PCBP3: variants seen among roughly 807,000 people sequenced by gnomAD.
The protein encoded by PCBP3 is poly(rC) binding protein 3, also known as poly(rC)-binding protein 3.
A neutral mutation model predicts 52.7 loss-of-function variants in PCBP3; 25 were observed. The observed-to-expected ratio is 0.47, with a 90% CI of 0.35 to 0.66. The LOEUF (loss-of-function observed/expected upper bound fraction) is 0.66. PCBP3 is among the 30% of genes least tolerant of loss of function. PCBP3 has a pLI of 0.01. For missense variants in PCBP3, 391 were observed against 490.3 expected (o/e 0.80, Z 1.91); for synonymous variants, 162 against 183.0 (o/e 0.89, Z 0.93).
At chr21:45,916,013 G>A (rs1203560047) in intron 12 of PCBP3, 1 of 152,298 alleles carries the variant, frequency 6.6e-6, no homozygotes, top group African/African-American at 2.4e-5. Context: ...ACCACTGTGA[G>A]TGCTCTGGGG....
chr21:45,838,413 A>G (rs1026775880), intron 4 of PCBP3, among the ~76,000 whole-genome samples: 2 of 152,146 alleles, frequency 1.3e-5, no homozygotes, highest in Admixed American at 6.5e-5. Context: ...AATAATAATA[A>G]TAATACTATT....
intron 2 of PCBP3, among the ~76,000 whole-genome samples, chr21:45,706,772 G>C (rs151301033): frequency 0.014 from 2,168 of 152,346 alleles, 26 homozygotes; most frequent in South Asian, 0.043. Flanking sequence ...CTGCCTTTCA[G>C]ATGTCAGGGA....
chr21:45,893,789 G>A (rs771013386), intron 5 of PCBP3: 251 of 985,386 alleles, frequency 2.5e-4, no homozygotes, highest in Non-Finnish European at 2.9e-4. Flanking sequence ...GGGAGGGGCG[G>A]GCAAGCCTCA....
intron 5 of PCBP3, among the ~76,000 whole-genome samples, chr21:45,882,002 C>T (rs574961618): frequency 3.9e-5 from 6 of 152,290 alleles, no homozygotes; most frequent in African/African-American, 9.6e-5. Flanking sequence ...ACAATCAACA[C>T]GGGCCTGCAT....
chr21:45,669,454 C>T (rs1476025914), intron 2 of PCBP3, among the ~76,000 whole-genome samples: 1 of 151,866 alleles, frequency 6.6e-6, no homozygotes, highest in Non-Finnish European at 1.5e-5. Flanking sequence ...TAAAATTTGC[C>T]ATTTTAAAGA....
intron 4 of PCBP3, among the ~76,000 whole-genome samples, chr21:45,774,320 T>C (rs1188082135): frequency 6.8e-6 from 1 of 147,234 alleles, no homozygotes; most frequent in Non-Finnish European, 1.5e-5. Context: ...GGCAGGAGAG[T>C]CCCTTGAACC....
intron 3 of PCBP3, among the ~76,000 whole-genome samples, chr21:45,738,257 G>GTTTT (rs1272471500): frequency 7.1e-6 from 1 of 139,940 alleles, no homozygotes; most frequent in Non-Finnish European, 1.6e-5. Flanking sequence ...GCTTCTTAGA[G>GTTTT]TTTTTTTTTT....
intron 4 of PCBP3, among the ~76,000 whole-genome samples, chr21:45,844,102 T>A (rs1446049139): frequency 6.6e-6 from 1 of 152,040 alleles, no homozygotes; most frequent in Non-Finnish European, 1.5e-5. Context: ...TCTCAGTGTT[T>A]CTACCCAAAA....
In PCBP3 at chr21:45,667,647, C is replaced by T. The variant is rs77682659; in HGVS notation, c.-278-1227C>T. Among the ~76,000 whole-genome samples the T allele has an allele frequency of 8.6e-3, 1,308 of 152,048 alleles. 24 individuals are homozygous for T. The highest frequency in any genetic ancestry group is 0.03 in the African/African-American group (1,237 of 41,472). ...TGTTTAAAATAGGTTATGTAAAGTC[C>T]AACACTGGGGCTTCCTTGGGAACAG... On this transcript the variant is annotated intron_variant, in intron 1 of 17. Transcript: ENST00000681687.
rs539968870 is a variant in PCBP3 at position 45,773,017 on chromosome 21, T to G, written c.-126+17565T>G. On this transcript the variant is annotated intron_variant, in intron 4 of 17. Transcript: ENST00000681687. ...ATAATTTGCAAATATTTTCTCCCTA[T>G]TCAACAGGTTGTCTTTTCACTCTGC... Among the ~76,000 whole-genome samples the G allele has an allele frequency of 3.5e-4, 53 of 152,346 alleles. 1 individual carries two copies. Among genetic ancestry groups the G allele is most frequent in the South Asian group, 8.3e-4 (4 of 4,828 alleles).
At chr21:45,799,548 G>A (rs568883768) in intron 4 of PCBP3, among the ~76,000 whole-genome samples, 1 of 152,270 alleles carries the variant, frequency 6.6e-6, no homozygotes, top group African/African-American at 2.4e-5. Flanking sequence ...GAGAGTCTTG[G>A]AACGTACCCC....
At chr21:45,809,207 C>T (rs2092605724) in intron 4 of PCBP3, among the ~76,000 whole-genome samples, 1 of 152,290 alleles carries the variant, frequency 6.6e-6, no homozygotes, top group South Asian at 2.1e-4. Context: ...TTTCTAAGAG[C>T]GCTTTTCATT....
chr21:45,850,592 T>C (rs1216761309), intron 5 of PCBP3, among the ~76,000 whole-genome samples: 5 of 152,196 alleles, frequency 3.3e-5, no homozygotes, highest in Non-Finnish European at 7.3e-5. Flanking sequence ...CAAGGAACGT[T>C]GGATGAATGA....
At chr21:45,725,421 A>T (rs1428782259) in intron 2 of PCBP3, among the ~76,000 whole-genome samples, 1 of 152,246 alleles carries the variant, frequency 6.6e-6, no homozygotes, top group Non-Finnish European at 1.5e-5. Context: ...ATGCCCACAG[A>T]TGTGGAGGCA....
At chr21:45,784,984 C>G (rs1453345673) in intron 4 of PCBP3, among the ~76,000 whole-genome samples, 1 of 151,902 alleles carries the variant, frequency 6.6e-6, no homozygotes, top group Non-Finnish European at 1.5e-5. Context: ...AGGAGCGTCT[C>G]TGCCCGGCCG....
chr21:45,831,424 A>AG (rs2093446382), intron 4 of PCBP3, among the ~76,000 whole-genome samples: 1 of 149,566 alleles, frequency 6.7e-6, no homozygotes, highest in African/African-American at 2.6e-5. Context: ...AAAAAAAAAA[A>AG]AAAAAATCAA....
At chr21:45,790,366 C>T (rs1007157993) in intron 4 of PCBP3, among the ~76,000 whole-genome samples, 2 of 152,148 alleles carry the variant, frequency 1.3e-5, no homozygotes, top group South Asian at 2.1e-4. Flanking sequence ...GCAGGAAGGA[C>T]GAAGTTGTGT....
intron 5 of PCBP3, among the ~76,000 whole-genome samples, chr21:45,883,941 G>T (rs968574645): frequency 2.0e-5 from 3 of 152,014 alleles, no homozygotes; most frequent in African/African-American, 7.3e-5. Flanking sequence ...TTTATCTTTT[G>T]TATTTATTTA....
Position 45,896,312 on chromosome 21 carries a change from G to C in PCBP3, c.115G>C (p.Glu39Gln). 1.3e-6 allele frequency: 2 copies of C among 1,552,178 alleles called. No homozygotes were observed. Among genetic ancestry groups the C allele is most frequent in the Non-Finnish European group, 1.7e-6 (2 of 1,147,102 alleles). Reference protein sequence around the residue: ...FGRRMESKVSEGGLNVTLTIR... With the variant: ...FGRRMESKVSQGGLNVTLTIR... ...CAGAAGGATGGAGTCCAAGGTCTCA[G>C]AAGGTGGCCTGAATGTGACCCTCAC... The change falls in exon 6 of 18, where the codon GAA becomes CAA. Residue 39 changes from glutamate (E) to glutamine (Q), a missense_variant. By Grantham distance (29) the Glu-to-Gln change is conservative. Coordinates refer to ENST00000681687, the MANE Select transcript of PCBP3 (RefSeq NM_001384156.1).
Sources: allele counts gnomAD v4.1 joint callset (sites outside exome capture counted in the v4.1 genomes callset), GRCh38; gene constraint gnomAD v4.1.1; transcripts MANE v1.5; gene names NCBI Gene and HGNC (gene_info 2026-07-23, HGNC 2026-07-21).